TMEM131: variants seen among roughly 807,000 people sequenced by gnomAD.
TMEM131 encodes the protein transmembrane protein 131.
Under a neutral mutation model 211.6 loss-of-function variants are expected in TMEM131, and 66 were observed. The ratio of observed to expected loss-of-function variants is 0.31; its 90% CI spans 0.26 to 0.38. TMEM131 has a LOEUF of 0.38. Ranked by LOEUF, TMEM131 falls within the 10% of genes least tolerant of loss-of-function variation. The pLI is 1.00. For synonymous variants in TMEM131, 844 were observed against 841.3 expected (o/e 1.00, Z -0.06); for missense variants, 2,036 against 2,299.3 (o/e 0.89, Z 2.34).
At chr2:97,853,864 A>G (rs1673730206) in intron 5 of TMEM131, among the ~76,000 whole-genome samples, 1 of 152,184 alleles carries the variant, frequency 6.6e-6, no homozygotes, top group Non-Finnish European at 1.5e-5. Context: ...CTTAGGGATG[A>G]GCAAAAAAAG....
chr2:97,878,888 A>G (rs1233155782), intron 4 of TMEM131, among the ~76,000 whole-genome samples: 2 of 152,088 alleles, frequency 1.3e-5, no homozygotes, highest in African/African-American at 4.8e-5. Flanking sequence ...CAAAAAAACC[A>G]ATCTAGTCCT....
intron 11 of TMEM131, among the ~76,000 whole-genome samples, chr2:97,831,089 T>C (rs546594722): frequency 6.6e-6 from 1 of 152,266 alleles, no homozygotes; most frequent in Non-Finnish European, 1.5e-5. Context: ...GCTGATAAGG[T>C]GGGAAATCTA....
intron 4 of TMEM131, among the ~76,000 whole-genome samples, chr2:97,879,662 T>C (rs1674842354): frequency 1.3e-5 from 2 of 152,200 alleles, no homozygotes; most frequent in African/African-American, 4.8e-5. Flanking sequence ...GCCTACTCAA[T>C]GTGAAGATGA....
At chr2:97,971,670 CTAA>C (rs1280664305) in intron 1 of TMEM131, among the ~76,000 whole-genome samples, 1 of 152,164 alleles carries the variant, frequency 6.6e-6, no homozygotes, top group Non-Finnish European at 1.5e-5. Context: ...CTCATTGTTT[CTAA>C]TAATGTCTTA....
At chr2:97,939,590 A>G (rs1383101065) in intron 1 of TMEM131, among the ~76,000 whole-genome samples, 2 of 152,240 alleles carry the variant, frequency 1.3e-5, no homozygotes, top group African/African-American at 4.8e-5. Flanking sequence ...GAATTCTACC[A>G]GAGGTATAAA....
chr2:97,831,427 T>C (rs1682679836), intron 11 of TMEM131, among the ~76,000 whole-genome samples: 1 of 152,154 alleles, frequency 6.6e-6, no homozygotes, highest in African/African-American at 2.4e-5. Context: ...TAAATATTTA[T>C]TGAATGGGTG....
intron 4 of TMEM131, among the ~76,000 whole-genome samples, chr2:97,869,085 C>T (rs796337402): frequency 7.2e-5 from 11 of 152,290 alleles, no homozygotes; most frequent in African/African-American, 2.6e-4. Context: ...TGAAAGTTCA[C>T]CAACTGTATG....
chr2:97,798,364 T>C (rs1680869178), intron 25 of TMEM131, among the ~76,000 whole-genome samples: 1 of 152,254 alleles, frequency 6.6e-6, no homozygotes, highest in Non-Finnish European at 1.5e-5. Context: ...CAGTTCTTCA[T>C]GGCTTCTGCT....
At chr2:97,831,060 T>A (rs1321706222) in intron 11 of TMEM131, among the ~76,000 whole-genome samples, 1 of 152,186 alleles carries the variant, frequency 6.6e-6, no homozygotes, top group Admixed American at 6.5e-5. Context: ...GTTTCCACGG[T>A]AGGTGGGCTT....
Position 97,790,120 on chromosome 2 carries a change from T to G in TMEM131, c.4144+2266A>C, listed in dbSNP as rs546589681. Among the ~76,000 whole-genome samples, 154 of 152,310 alleles carry G rather than the reference T, an allele frequency of 1.0e-3. 1 individual carries two copies. The highest frequency in any genetic ancestry group is 3.5e-3 in the African/African-American group (145 of 41,570). On this transcript the variant is annotated intron_variant, in intron 31 of 40. Transcript: ENST00000186436. ...GCCTCTAAAAAGAGAATGTTACTAT[T>G]TAATGTAAATCTGCTATTTGCAGGG...
chr2:97,951,355 G>A (rs184030917), intron 1 of TMEM131, among the ~76,000 whole-genome samples: 5 of 152,238 alleles, frequency 3.3e-5, no homozygotes, highest in Admixed American at 2.0e-4. Context: ...GCCACACAGC[G>A]GGGTGGAAGG....
chr2:97,855,911 T>TA (rs1296956559), intron 5 of TMEM131, among the ~76,000 whole-genome samples: 3 of 152,168 alleles, frequency 2.0e-5, no homozygotes, highest in African/African-American at 7.2e-5. Flanking sequence ...TATATCTAAT[T>TA]AAAATAATCA....
intron 1 of TMEM131, among the ~76,000 whole-genome samples, chr2:97,983,672 A>AGG (rs1331681308): frequency 6.6e-6 from 1 of 151,802 alleles, no homozygotes; most frequent in African/African-American, 2.4e-5. Context: ...TAGAAGCTCA[A>AGG]GGGGGCTGCC....
chr2:97,878,641 GAACA>G (rs1444571530), intron 4 of TMEM131, among the ~76,000 whole-genome samples: 12 of 152,140 alleles, frequency 7.9e-5, no homozygotes, highest in Non-Finnish European at 1.2e-4. Flanking sequence ...AGTGGGAGTT[GAACA>G]ATGAGAACAC....
At chr2:97,940,140 C>A (rs185087793) in intron 1 of TMEM131, among the ~76,000 whole-genome samples, 8 of 152,266 alleles carry the variant, frequency 5.3e-5, no homozygotes, top group Admixed American at 5.2e-4. Flanking sequence ...TCTCACCACT[C>A]CTATTCTACA....
At position 97,757,133 on chromosome 2, in the gene TMEM131, G is replaced by C; in HGVS notation, c.5618C>G (p.Pro1873Arg). The C allele has an allele frequency of 6.2e-7, 1 of 1,609,588 alleles. No individual in the cohort carries two copies. Among genetic ancestry groups the C allele is most frequent in the Admixed American group, 1.7e-5 (1 of 59,462 alleles). Reference protein sequence around the residue: ...SPTIGRRSSDPWSNSHFPHEN With the variant: ...SPTIGRRSSDRWSNSHFPHEN Reference sequence around the variant, plus strand: ...GTGAGGAAAGTGCGAATTAGACCAAGGGTCCGAGCTTCTTCTTCCAATCGT... The same window carrying C: ...GTGAGGAAAGTGCGAATTAGACCAACGGTCCGAGCTTCTTCTTCCAATCGT... The change falls in exon 41 of 41, where the codon CCT becomes CGT. Residue 1873 changes from proline to arginine, a missense_variant. Coordinates refer to ENST00000186436, the MANE Select transcript of TMEM131 (RefSeq NM_015348.2).
At chr2:97,965,303 G>C (rs1287953493) in intron 1 of TMEM131, among the ~76,000 whole-genome samples, 1 of 152,018 alleles carries the variant, frequency 6.6e-6, no homozygotes, top group African/African-American at 2.4e-5. Context: ...TCATCGCTTC[G>C]TACCCCTCCC....
intron 1 of TMEM131, among the ~76,000 whole-genome samples, chr2:97,964,896 A>G (rs1159865157): frequency 6.6e-6 from 1 of 152,218 alleles, no homozygotes; most frequent in South Asian, 2.1e-4. Context: ...CTCTTCATCT[A>G]TAAAATATAG....
At chr2:97,932,984 C>T (rs1055138186) in intron 1 of TMEM131, among the ~76,000 whole-genome samples, 9 of 152,142 alleles carry the variant, frequency 5.9e-5, no homozygotes, top group African/African-American at 1.9e-4. Context: ...TTTAGATACA[C>T]GAAAACTTGC....
Sources: gnomAD v4.1 joint callset for allele counts (sites outside exome capture counted in the v4.1 genomes callset) on GRCh38, gnomAD v4.1.1 for gene constraint, MANE v1.5 for transcripts, NCBI Gene and HGNC (gene_info 2026-07-23, HGNC 2026-07-21) for gene names.